The following LAMA3 variants were observed in gnomAD, a reference collection of about 807,000 sequenced individuals.
The protein encoded by LAMA3 is laminin subunit alpha 3.
A neutral mutation model predicts 402.0 loss-of-function variants in LAMA3; 281 were observed. The observed-to-expected ratio is 0.70, with a 90% CI of 0.63 to 0.77. The LOEUF is 0.77. LAMA3 is among the 30% of genes least tolerant of loss of function. The pLI, the probability that LAMA3 is intolerant of heterozygous loss-of-function variation, is 0.00. For missense variants in LAMA3, 3,840 were observed against 4,215.5 expected (o/e 0.91, Z 2.47); for synonymous variants, 1,431 against 1,558.4 (o/e 0.92, Z 1.93).
intron 24 of LAMA3, 131 bp from the exon 25 acceptor site, chr18:23,836,850 C>A: frequency 1.4e-6 from 1 of 710,282 alleles, no homozygotes; most frequent in Non-Finnish European, 2.6e-6. Context: ...ACTCATCATG[C>A]AGGAAAATTC....
intron 32 of LAMA3, among the ~76,000 whole-genome samples, chr18:23,856,868 A>T (rs2064093034): frequency 6.6e-6 from 1 of 152,058 alleles, no homozygotes; most frequent in South Asian, 2.1e-4. Context: ...CCTCCTCCCC[A>T]TCTGGATACC....
intron 11 of LAMA3, among the ~76,000 whole-genome samples, chr18:23,779,584 A>G (rs1417502248): frequency 6.7e-6 from 1 of 150,168 alleles, no homozygotes; most frequent in Non-Finnish European, 1.5e-5. Context: ...AGCAGAATAC[A>G]TGGGCCAGAG....
At chr18:23,810,524 C>T in intron 13 of LAMA3, 21 bp downstream of exon 13, 1 of 1,613,666 alleles carries the variant, frequency 6.2e-7, no homozygotes, top group South Asian at 1.1e-5. Context: ...CAGCAGATTG[C>T]TAGAGGGCTG....
At chr18:23,837,570 G>GATATAT (rs56179962) in intron 25 of LAMA3, among the ~76,000 whole-genome samples, 1,186 of 83,288 alleles carry the variant, frequency 0.014, 46 homozygotes, top group African/African-American at 0.039. Flanking sequence ...CAGTTAATCA[G>GATATAT]ATATATATAT....
rs17187325 is a variant in LAMA3, at chr18:23,943,568, C to G, written c.9027-220C>G. Among the ~76,000 whole-genome samples the G allele has an allele frequency of 0.082, 12,463 of 152,168 alleles. 948 individuals carry two copies. The highest frequency in any genetic ancestry group is 0.18 in the Admixed American group (2,726 of 15,274). ...TGCCACAAAAGTTCCATGTTATTCC[C>G]CAATGTAGTAAGGAAATTATACAAC... On this transcript the variant is annotated intron_variant, in intron 68 of 74. Coordinates refer to ENST00000313654, the MANE Select transcript of LAMA3 (RefSeq NM_198129.4).
intron 36 of LAMA3, among the ~76,000 whole-genome samples, chr18:23,865,821 C>T (rs1315286422): frequency 2.0e-5 from 3 of 152,170 alleles, no homozygotes; most frequent in Non-Finnish European, 4.4e-5. Context: ...AGGCTGTGCT[C>T]ATGGATGACC....
rs558471903 is a variant in LAMA3, at chr18:23,750,915, T to C, written c.685-3T>C. On this transcript the variant is annotated splice_polypyrimidine_tract_variant and splice_region_variant and intron_variant, in intron 4 of 74. Coordinates refer to ENST00000313654, the MANE Select transcript of LAMA3 (RefSeq NM_198129.4). ...CCCCTTTATGTGTGTGTGGTCATTT[T>C]AGGTTGTGGTGTCCTTGATAAACGG... is the stretch of plus-strand genomic sequence containing the variant. 5 of 1,614,182 alleles carry C rather than the reference T, an allele frequency of 3.1e-6. No homozygotes were observed. The African/African-American group carries it at 5.3e-5, about 17-fold the overall frequency.
chr18:23,846,186 T>C (rs1020002175), intron 30 of LAMA3, 111 bp from the exon 31 acceptor site: 4 of 1,093,940 alleles, frequency 3.7e-6, no homozygotes, highest in Non-Finnish European at 5.7e-6. Context: ...TCCAGAACCA[T>C]GAGCCCGTCC....
chr18:23,810,616 T>C, intron 13 of LAMA3, 113 bp downstream of exon 13: 2 of 1,184,808 alleles, frequency 1.7e-6, no homozygotes, highest in Non-Finnish European at 2.5e-6. Flanking sequence ...CACCCCCACA[T>C]CCTGCTTTCA....
At chr18:23,707,297 G>C (rs1200414961) in intron 1 of LAMA3, among the ~76,000 whole-genome samples, 3 of 152,158 alleles carry the variant, frequency 2.0e-5, no homozygotes, top group African/African-American at 7.2e-5. Context: ...GGCTATTTTG[G>C]ACTTTCTCAC....
Position 23,816,497 on chromosome 18 carries a change from C to T in LAMA3, c.2147+10C>T, listed in dbSNP as rs372638027. 74 of 1,607,314 alleles carry T rather than the reference C, an allele frequency of 4.6e-5. No individual in the cohort carries two copies. The highest frequency in any genetic ancestry group is 4.5e-4 in the Admixed American group (27 of 59,978). ...GAAAGGTGTGCCAGCGGTGAGTCTT[C>T]GGGAGGCTTCTTCCCATGTTCAGGG... is the stretch of plus-strand genomic sequence containing the variant. On this transcript the variant is annotated intron_variant, in intron 18 of 74. Coordinates refer to ENST00000313654, the MANE Select transcript of LAMA3 (RefSeq NM_198129.4).
chr18:23,780,569 G>T (rs1322526483), intron 11 of LAMA3, among the ~76,000 whole-genome samples: 1 of 152,114 alleles, frequency 6.6e-6, no homozygotes, highest in Non-Finnish European at 1.5e-5. Flanking sequence ...AGGACCTAGA[G>T]GAATAAGAAA....
rs141237242 is a variant in LAMA3 at position 23,865,707 on chromosome 18, T to A, written c.4683+824T>A. On this transcript the variant is annotated intron_variant, in intron 36 of 74. Coordinates refer to ENST00000313654, the MANE Select transcript of LAMA3 (RefSeq NM_198129.4). ...TCTGAGAGGCCCTTAGAAGACTTTG[T>A]GGTTCATTTTGAGCTAAGTCTTTAA... Among the ~76,000 whole-genome samples the A allele has an allele frequency of 1.1e-4, 17 of 152,192 alleles. No homozygotes were observed. In the East Asian group the frequency reaches 3.3e-3, roughly 29 times the overall value.
chr18:23,713,757 G>A (rs569754106), intron 1 of LAMA3, among the ~76,000 whole-genome samples, 163 bp from the exon 2 acceptor site: 1 of 152,218 alleles, frequency 6.6e-6, no homozygotes, highest in South Asian at 2.1e-4. Context: ...CCTTACTACT[G>A]TTTCAGAATA....
At chr18:23,893,276 A>G (rs184505146) in intron 42 of LAMA3, among the ~76,000 whole-genome samples, 5 of 152,332 alleles carry the variant, frequency 3.3e-5, no homozygotes, top group African/African-American at 1.2e-4. Context: ...GGACATGTCA[A>G]TGTCAGAATG....
intron 41 of LAMA3, 104 bp from the exon 42 acceptor site, chr18:23,889,907 A>T (rs370520158): frequency 8.2e-6 from 7 of 852,258 alleles, no homozygotes; most frequent in African/African-American, 1.7e-5. Context: ...TCTTCCACCC[A>T]TTGGGTTACA....
chr18:23,913,402 C>T lies in LAMA3; in HGVS notation c.7329+521C>T, dbSNP rs535009059. Among the ~76,000 whole-genome samples, 4 of 152,304 alleles carry T rather than the reference C, an allele frequency of 2.6e-5. No individual in the cohort carries two copies. In the South Asian group the frequency reaches 8.3e-4, roughly 32 times the overall value. On this transcript the variant is annotated intron_variant, in intron 56 of 74. Transcript: ENST00000313654. Reference sequence around the variant, plus strand: ...CTAAATGATAAGAAAAGCAGTTGCCCTGTCTCTTTATCAGTGTAAATTCAT... The same window carrying T: ...CTAAATGATAAGAAAAGCAGTTGCCTTGTCTCTTTATCAGTGTAAATTCAT...
At chr18:23,901,398 G>A in intron 48 of LAMA3, 75 bp downstream of exon 48, 2 of 1,289,332 alleles carry the variant, frequency 1.6e-6, no homozygotes, top group Non-Finnish European at 2.2e-6. Flanking sequence ...TATTAATAAA[G>A]TGGCATAGCC....
intron 41 of LAMA3, among the ~76,000 whole-genome samples, chr18:23,886,479 A>T (rs1568299460): frequency 6.7e-6 from 1 of 148,960 alleles, no homozygotes; most frequent in Admixed American, 6.7e-5. Context: ...CATCTCCATA[A>T]TTTTTTTTTT....
Sources: gnomAD v4.1 joint callset for allele counts (sites outside exome capture counted in the v4.1 genomes callset) on GRCh38, gnomAD v4.1.1 for gene constraint, MANE v1.5 for transcripts, NCBI Gene and HGNC (gene_info 2026-07-23, HGNC 2026-07-21) for gene names.